AXDND1: variants seen among roughly 807,000 people sequenced by gnomAD.
AXDND1 encodes the protein axonemal dynein light chain domain-containing protein 1.
In AXDND1, 110 loss-of-function variants were observed where a neutral mutation model predicts 137.5. The ratio of observed to expected loss-of-function variants is 0.80; its 90% confidence interval spans 0.69 to 0.94. The LOEUF is 0.94. Ranked by LOEUF, AXDND1 falls within the 40% of genes least tolerant of loss-of-function variation. The pLI is 0.00. For synonymous variants in AXDND1, 414 were observed against 399.7 expected, an observed-to-expected ratio of 1.04 and a Z score of -0.43; for missense variants, 1,191 against 1,169.8, an observed-to-expected ratio of 1.02 and a Z score of -0.26.
intron 4 of AXDND1, among the ~76,000 whole-genome samples, chr1:179,373,713 A>G (rs12118586): frequency 0.11 from 16,502 of 152,212 alleles, 1,069 homozygotes; most frequent in East Asian, 0.35. Flanking sequence ...CCTGACAAAA[A>G]CAAGCAATGG....
rs756016974 is a variant in AXDND1, at chr1:179,411,172, A to G, written c.1136A>G (p.Tyr379Cys). The G allele has an allele frequency of 4.4e-6, 7 of 1,606,906 alleles. No homozygotes were observed. The African/African-American group carries it at 5.4e-5, about 12-fold the overall frequency. Residue 379 changes from tyrosine (Y) to cysteine (C), a missense_variant, in exon 12 of 26, where the codon TAT becomes TGT. Transcript: ENST00000367618. Reference protein sequence around the residue: ...AKIVEEYHDLYTLQRERMEND... With the variant: ...AKIVEEYHDLCTLQRERMEND... ...ATAGTAGAAGAATATCATGACTTAT[A>G]TACATTACAAAGAGAAAGGATGGAG...
At position 179,444,988 on chromosome 1, in the gene AXDND1, G is replaced by A. The variant is rs1659524570; in HGVS notation, c.1582G>A (p.Glu528Lys). ...TCTTTAGATCCTGAATGAGAAAAAA[G>A]AAGAGTTTACTGGGGATGTTCTACT... Reference protein sequence around the residue: ...QWQKILNEKKEEFTGDVLLSK... With the variant: ...QWQKILNEKKKEFTGDVLLSK... Residue 528 changes from glutamate to lysine, a missense_variant, in exon 16 of 26, where the codon GAA (glutamate) becomes AAA (lysine). Glu to Lys is a moderately conservative substitution (Grantham distance 56). Coordinates refer to ENST00000367618, the MANE Select transcript of AXDND1 (RefSeq NM_144696.6). 6.2e-7 allele frequency: 1 copy of A among 1,607,122 alleles called. No individual in the cohort carries two copies. Among genetic ancestry groups the A allele is most frequent in the Non-Finnish European group, 8.5e-7 (1 of 1,174,900 alleles).
intron 16 of AXDND1, chr1:179,451,165 C>T (rs1660495917): frequency 6.6e-6 from 1 of 152,086 alleles, no homozygotes; most frequent in Non-Finnish European, 1.5e-5. Flanking sequence ...AGAACTGGTG[C>T]TAATTCTTTT....
intron 16 of AXDND1, 29 bp from the exon 17 acceptor site, chr1:179,468,414 A>G: frequency 1.4e-6 from 2 of 1,477,870 alleles, no homozygotes; most frequent in Non-Finnish European, 1.9e-6. Flanking sequence ...AAATATTTCT[A>G]AAAGTTAATG....
chr1:179,552,794 G>A (rs1039432334), intron 25 of AXDND1: 5 of 812,170 alleles, frequency 6.2e-6, no homozygotes, highest in Admixed American at 2.0e-5. Flanking sequence ...TAGCAAATTT[G>A]GAGTGACCAG....
chr1:179,374,237 T>C (rs1257584457), intron 4 of AXDND1, among the ~76,000 whole-genome samples: 3 of 152,164 alleles, frequency 2.0e-5, no homozygotes, highest in Non-Finnish European at 2.9e-5. Context: ...CTCATCATCG[T>C]TGGCCATCAG....
chr1:179,507,291 T>C (rs1668628190), intron 20 of AXDND1, among the ~76,000 whole-genome samples: 1 of 152,144 alleles, frequency 6.6e-6, no homozygotes, highest in African/African-American at 2.4e-5. Context: ...ACTCTATAGA[T>C]TATTGTAAAA....
chr1:179,532,834 A>T (rs1671152397), intron 23 of AXDND1: 2 of 152,306 alleles, frequency 1.3e-5, no homozygotes. Context: ...ACAGTGAGCT[A>T]TGATTGTGCC....
chr1:179,537,775 T>C (rs1454257573), intron 25 of AXDND1, among the ~76,000 whole-genome samples: 1 of 152,204 alleles, frequency 6.6e-6, no homozygotes, highest in Non-Finnish European at 1.5e-5. Flanking sequence ...TGGTACCTGC[T>C]CCTCTTTGTA....
rs1670740349 is a variant in AXDND1, at chr1:179,528,392, T to C, written c.2676T>C (p.His892=). 1.9e-6 allele frequency: 3 copies of C among 1,613,784 alleles called. No individual in the cohort carries two copies. Among genetic ancestry groups the C allele is most frequent in the Admixed American group, 1.7e-5 (1 of 59,988 alleles). The change falls in exon 23 of 26, where the codon CAT becomes CAC. Residue 892 remains histidine, a synonymous_variant. Coordinates refer to ENST00000367618, the MANE Select transcript of AXDND1 (RefSeq NM_144696.6). ...TCATTGGAGAAGATGAAAATGTTCA[T>C]TCCAAACCTCTATTTGAAACAGATG... ...IRFIGEDENV[H]SKPLFETDVL... is the part of the protein sequence containing the mutation.
At chr1:179,426,876 A>G (rs1310856194) in intron 12 of AXDND1, among the ~76,000 whole-genome samples, 2 of 152,248 alleles carry the variant, frequency 1.3e-5, no homozygotes, top group Admixed American at 6.5e-5. Context: ...ATAAATAACT[A>G]TGTGGCCAAG....
At chr1:179,382,613 C>G in intron 6 of AXDND1, 87 bp from the exon 7 acceptor site, 2 of 911,264 alleles carry the variant, frequency 2.2e-6, no homozygotes, top group Non-Finnish European at 3.5e-6. Context: ...TACTTAGAAA[C>G]CAAGATTCTG....
At chr1:179,431,586 A>T (rs1282765450) in intron 14 of AXDND1, among the ~76,000 whole-genome samples, 2 of 149,950 alleles carry the variant, frequency 1.3e-5, no homozygotes, top group Non-Finnish European at 1.5e-5. Flanking sequence ...AAATTTTAAG[A>T]TGCTTTGTCT....
intron 17 of AXDND1, among the ~76,000 whole-genome samples, chr1:179,482,826 C>G (rs1027644828): frequency 4.0e-5 from 6 of 151,582 alleles, no homozygotes; most frequent in Non-Finnish European, 8.8e-5. Flanking sequence ...TCACATAGTA[C>G]TGGCCTGGAA....
intron 16 of AXDND1, among the ~76,000 whole-genome samples, chr1:179,461,257 G>C (rs376375578): frequency 2.0e-5 from 3 of 152,002 alleles, no homozygotes; most frequent in African/African-American, 4.8e-5. Flanking sequence ...CCAGTTTCAG[G>C]TTTCTACATA....
chr1:179,410,350 C>G (rs551364971), intron 11 of AXDND1, among the ~76,000 whole-genome samples: 2 of 152,310 alleles, frequency 1.3e-5, no homozygotes, highest in African/African-American at 2.4e-5. Context: ...CCTGCCTCAG[C>G]CTCCCAAATA....
intron 25 of AXDND1, among the ~76,000 whole-genome samples, chr1:179,537,668 T>C (rs963738557): frequency 1.3e-5 from 2 of 152,204 alleles, no homozygotes; most frequent in African/African-American, 4.8e-5. Context: ...TTTTATTGTG[T>C]CTCTGCCAGA....
chr1:179,476,223 A>G (rs1664607018), intron 17 of AXDND1, among the ~76,000 whole-genome samples: 1 of 152,206 alleles, frequency 6.6e-6, no homozygotes, highest in Admixed American at 6.6e-5. Flanking sequence ...TGTTATAATT[A>G]TAAATTTACC....
intron 11 of AXDND1, among the ~76,000 whole-genome samples, chr1:179,409,524 C>T (rs1250093607): frequency 6.6e-6 from 1 of 152,030 alleles, no homozygotes; most frequent in Non-Finnish European, 1.5e-5. Flanking sequence ...ATAATTTTAG[C>T]ATTTTGGTTT....
Sources: gnomAD v4.1 joint callset for allele counts (sites outside exome capture counted in the v4.1 genomes callset) on GRCh38, gnomAD v4.1.1 for gene constraint, MANE v1.5 for transcripts, NCBI Gene and HGNC (gene_info 2026-07-23, HGNC 2026-07-21) for gene names.